CRISP1: variants seen among roughly 807,000 people sequenced by gnomAD.
The protein encoded by CRISP1 is cysteine-rich secretory protein 1.
A neutral mutation model predicts 33.1 loss-of-function variants in CRISP1; 44 were observed. That is an observed-to-expected ratio of 1.33 (90% CI 1.05 to 1.71). CRISP1 has a LOEUF of 1.71. Among genes scored for constraint, CRISP1 ranks in the 40% most tolerant of loss-of-function variants. CRISP1 has a pLI of 0.00. For synonymous variants in CRISP1, 103 were observed against 98.7 expected, an observed-to-expected ratio of 1.04 and a Z score of -0.26; for missense variants, 390 against 301.2, an observed-to-expected ratio of 1.29 and a Z score of -2.18.
chr6:49,852,574 T>G (rs973472798), intron 2 of CRISP1, among the ~76,000 whole-genome samples: 4 of 152,114 alleles, frequency 2.6e-5, no homozygotes, highest in African/African-American at 9.7e-5. Flanking sequence ...GGTGTGTGTC[T>G]GGGGTAACCC....
chr6:49,874,865 C>T (rs1772002638), intron 1 of CRISP1, among the ~76,000 whole-genome samples: 1 of 151,966 alleles, frequency 6.6e-6, no homozygotes, highest in South Asian at 2.1e-4. Flanking sequence ...ACATCCCATT[C>T]ATGTTAAAAA....
rs189473149 is a variant in CRISP1 at position 49,854,157 on chromosome 6, G to T, written c.67-2028C>A. Among the ~76,000 whole-genome samples the T allele has an allele frequency of 1.2e-4, 19 of 152,246 alleles. No individual in the cohort carries two copies. The East Asian group carries it at 3.1e-3, about 25-fold the overall frequency. On this transcript the variant is annotated intron_variant, in intron 2 of 7. Transcript: ENST00000335847. ...TCTCACCCAGTCTGTCAATCTACCT[G>T]TATCTGTCCCCTTTCTTTCCTCCTC...
chr6:49,851,949 A>G, intron 3 of CRISP1, 52 bp downstream of exon 3: 5 of 1,558,124 alleles, frequency 3.2e-6, no homozygotes, highest in East Asian at 2.3e-5. Context: ...AAAACTCAGT[A>G]AACACCATTA....
At position 49,837,509 on chromosome 6, in the gene CRISP1, T is replaced by A. The variant is rs143756134; in HGVS notation, c.622+928A>T. On this transcript the variant is annotated intron_variant, in intron 7 of 7. Transcript: ENST00000335847. Reference sequence around the variant, plus strand: ...TACATTTTTTTCCAGAAACGGGGTATAAAAAGTGAAGTGGATACAGAGAAA... The same window carrying A: ...TACATTTTTTTCCAGAAACGGGGTAAAAAAAGTGAAGTGGATACAGAGAAA... Among the ~76,000 whole-genome samples, 635 of 151,424 alleles carry A rather than the reference T, an allele frequency of 4.2e-3. 10 individuals are homozygous for A. The highest frequency in any genetic ancestry group is 0.014 in the African/African-American group (595 of 41,238).
At chr6:49,870,496 T>G (rs563540184), upstream of CRISP1, among the ~76,000 whole-genome samples, 14 of 152,266 alleles carry the variant, frequency 9.2e-5, no homozygotes, top group African/African-American at 3.4e-4. Flanking sequence ...TGGCCTCAGG[T>G]ATTGAAACAC....
chr6:49,853,444 A>T (rs758375241), intron 2 of CRISP1, among the ~76,000 whole-genome samples: 1 of 152,166 alleles, frequency 6.6e-6, no homozygotes, highest in Non-Finnish European at 1.5e-5. Flanking sequence ...CAACATCCAC[A>T]TGGATGAATC....
At chr6:49,871,261 A>ACTTTTT (rs1771917148), upstream of CRISP1, among the ~76,000 whole-genome samples, 1 of 152,186 alleles carries the variant, frequency 6.6e-6, no homozygotes, top group Non-Finnish European at 1.5e-5. Context: ...TGATGAACAC[A>ACTTTTT]TAGTTTTGAA....
intron 5 of CRISP1, among the ~76,000 whole-genome samples, chr6:49,843,252 TC>T (rs1424355447): frequency 3.3e-5 from 5 of 152,228 alleles, no homozygotes; most frequent in African/African-American, 1.2e-4. Context: ...GTTAAGATAC[TC>T]CTGGATTCCT....
chr6:49,869,166 C>T, upstream of CRISP1, among the ~76,000 whole-genome samples: 1 of 152,152 alleles, frequency 6.6e-6, no homozygotes, highest in Admixed American at 6.6e-5. Flanking sequence ...TATGGTGCCT[C>T]ATTGATTGCA....
intron 5 of CRISP1, 87 bp downstream of exon 5, chr6:49,846,433 G>C (rs557176764): frequency 7.4e-7 from 1 of 1,345,696 alleles, no homozygotes; most frequent in Non-Finnish European, 1.0e-6. Context: ...TAAGAAGGTA[G>C]AATGATTTTC....
chr6:49,871,933 T>C (rs1388543529), intron 1 of CRISP1, among the ~76,000 whole-genome samples: 2 of 152,092 alleles, frequency 1.3e-5, no homozygotes, highest in Admixed American at 6.6e-5. Flanking sequence ...GATGGCTGGG[T>C]CAAATGGTAT....
intron 5 of CRISP1, among the ~76,000 whole-genome samples, chr6:49,844,545 C>T (rs1329241743): frequency 5.3e-5 from 8 of 152,082 alleles, no homozygotes; most frequent in Admixed American, 2.0e-4. Flanking sequence ...AGCAGGGCCT[C>T]TTCTGAGAGT....
At position 49,835,212 on chromosome 6, in the gene CRISP1, CA is replaced by C. The variant is rs1384776596; in HGVS notation, c.*103del. ...TTAAGGTCTCCAGCATGATTAAAAT[CA>C]GTGAAATTTAGCAGAAGCTACTGAA... On this transcript the variant is annotated 3_prime_UTR_variant, in exon 8 of 8. Transcript: ENST00000335847. 1.6e-6 allele frequency: 2 copies of C among 1,238,296 alleles called. No individual in the cohort carries two copies. The highest frequency in any genetic ancestry group is 3.0e-5 in the African/African-American group (2 of 66,252). The allele number at this position is 1,238,296 out of a possible 1,614,324, so 76.7% of individuals were successfully genotyped here.
At chr6:49,840,118 A>C (rs1770935607) in intron 6 of CRISP1, among the ~76,000 whole-genome samples, 1 of 152,176 alleles carries the variant, frequency 6.6e-6, no homozygotes, top group East Asian at 1.9e-4. Flanking sequence ...AGAAGTGCAG[A>C]AGTGATATTG....
At position 49,843,183 on chromosome 6, in the gene CRISP1, A is replaced by G. The variant is rs574439794; in HGVS notation, c.436-2188T>C. 2.0e-5 allele frequency among the ~76,000 whole-genome samples: 3 copies of G among 152,302 alleles called. No homozygotes were observed. The South Asian group carries it at 6.2e-4, about 32-fold the overall frequency. ...TTCTTAGATTTTTAGCTTTCTAGAT[A>G]TTTATTGTATTTTTATCCTTTAATC... On this transcript the variant is annotated intron_variant, in intron 5 of 7. Transcript: ENST00000335847.
At chr6:49,859,882 A>G (rs567524036) in intron 1 of CRISP1, among the ~76,000 whole-genome samples, 1 of 152,268 alleles carries the variant, frequency 6.6e-6, no homozygotes, top group African/African-American at 2.4e-5. Flanking sequence ...CTCACCTGTA[A>G]AGATAGATAT....
At chr6:49,842,152 G>A (rs116875778) in intron 5 of CRISP1, among the ~76,000 whole-genome samples, 1 of 152,162 alleles carries the variant, frequency 6.6e-6, no homozygotes, top group East Asian at 1.9e-4. Context: ...AATTATCTGC[G>A]GCTAACCTAG....
intron 5 of CRISP1, among the ~76,000 whole-genome samples, chr6:49,845,946 C>T (rs1771152214): frequency 6.6e-6 from 1 of 151,990 alleles, no homozygotes; most frequent in African/African-American, 2.4e-5. Flanking sequence ...TTCACAGAGA[C>T]AGAAAGTAGA....
intron 2 of CRISP1, among the ~76,000 whole-genome samples, chr6:49,856,664 C>G (rs1314801251): frequency 6.6e-6 from 1 of 151,942 alleles, no homozygotes; most frequent in Admixed American, 6.6e-5. Context: ...TTTTCTATAC[C>G]AAAGTTATTT....
Sources: gnomAD v4.1 joint callset for allele counts (sites outside exome capture counted in the v4.1 genomes callset) on GRCh38, gnomAD v4.1.1 for gene constraint, MANE v1.5 for transcripts, NCBI Gene and HGNC (gene_info 2026-07-23, HGNC 2026-07-21) for gene names.